POU2F1: variants seen among roughly 807,000 people sequenced by gnomAD.
POU2F1 encodes POU class 2 homeobox 1.
Under a neutral mutation model 84.9 loss-of-function variants are expected in POU2F1, and 16 were observed. That is an observed-to-expected ratio of 0.19 (90% CI 0.13 to 0.29). POU2F1 has a LOEUF of 0.29. POU2F1 is among the 10% of genes least tolerant of loss of function. The pLI, the probability that POU2F1 is intolerant of heterozygous loss-of-function variation, is 1.00. For synonymous variants in POU2F1, 368 were observed against 368.3 expected (o/e 1.00, Z 0.01); for missense variants, 738 against 942.6 (o/e 0.78, Z 2.84).
At chr1:167,393,336 T>C (rs531951476) in intron 9 of POU2F1, among the ~76,000 whole-genome samples, 1 of 152,200 alleles carries the variant, frequency 6.6e-6, no homozygotes, top group Non-Finnish European at 1.5e-5. Flanking sequence ...ATTAAGCAAT[T>C]TAAATGTGAA....
chr1:167,408,323 G>A (rs1021041979), intron 13 of POU2F1, among the ~76,000 whole-genome samples: 10 of 152,150 alleles, frequency 6.6e-5, no homozygotes, highest in African/African-American at 2.2e-4. Flanking sequence ...CATCTTGGCA[G>A]TTCTTTTAAA....
At chr1:167,307,724 T>C (rs889089271) in intron 1 of POU2F1, among the ~76,000 whole-genome samples, 23 of 152,134 alleles carry the variant, frequency 1.5e-4, no homozygotes, top group African/African-American at 5.3e-4. Flanking sequence ...AAAATTAACA[T>C]TGACAGGTTA....
intron 1 of POU2F1, among the ~76,000 whole-genome samples, chr1:167,263,375 C>G (rs1354565944): frequency 6.6e-6 from 1 of 151,988 alleles, no homozygotes; most frequent in African/African-American, 2.4e-5. Context: ...CAAAAATTAG[C>G]CGGGCGTGGT....
At chr1:167,249,142 T>A (rs1650546177) in intron 1 of POU2F1, among the ~76,000 whole-genome samples, 1 of 152,242 alleles carries the variant, frequency 6.6e-6, no homozygotes, top group Non-Finnish European at 1.5e-5. Context: ...ATCCATTTTT[T>A]TCTGCCTCTG....
chr1:167,264,728 TAAG>T (rs1243400632), intron 1 of POU2F1, among the ~76,000 whole-genome samples: 3 of 152,186 alleles, frequency 2.0e-5, no homozygotes, highest in South Asian at 4.1e-4. Context: ...TCTTTTTTCT[TAAG>T]AAATTTTTTT....
rs778686896 is a variant in POU2F1, at chr1:167,370,229, G to C, written c.282+15G>C. 1 of 1,575,212 alleles carries C rather than the reference G, an allele frequency of 6.3e-7. No homozygotes were observed. Among genetic ancestry groups the C allele is most frequent in the Non-Finnish European group, 8.6e-7 (1 of 1,156,366 alleles). ...TAAATGTACAGGTAAGCTGGGACCT[G>C]GGATTATGGGTCAATCTTTTATTTA... is the stretch of plus-strand genomic sequence containing the variant. On this transcript the variant is annotated intron_variant, in intron 4 of 15. Coordinates refer to ENST00000367866, the MANE Select transcript of POU2F1 (RefSeq NM_002697.4).
chr1:167,389,473 A>G, intron 8 of POU2F1, 115 bp from the exon 9 acceptor site: 1 of 1,079,584 alleles, frequency 9.3e-7, no homozygotes, highest in Non-Finnish European at 1.4e-6. Flanking sequence ...CTGTAGTGTT[A>G]CATGGTCTTC....
At chr1:167,302,542 C>T (rs1654781054) in intron 1 of POU2F1, among the ~76,000 whole-genome samples, 1 of 152,134 alleles carries the variant, frequency 6.6e-6, no homozygotes. Flanking sequence ...CAGGCGTGAG[C>T]CACCGCGCCT....
At chr1:167,248,296 T>C (rs1650485557) in intron 1 of POU2F1, among the ~76,000 whole-genome samples, 1 of 152,220 alleles carries the variant, frequency 6.6e-6, no homozygotes, top group Non-Finnish European at 1.5e-5. Context: ...TGTTATACCT[T>C]GCAAGAAAGC....
intron 2 of POU2F1, among the ~76,000 whole-genome samples, chr1:167,349,096 G>T (rs978733677): frequency 7.2e-5 from 11 of 152,052 alleles, no homozygotes; most frequent in Admixed American, 5.2e-4. Context: ...AAAATTCTTA[G>T]ATTTTATTTT....
chr1:167,302,314 G>C (rs1176429399), intron 1 of POU2F1, among the ~76,000 whole-genome samples: 1 of 150,582 alleles, frequency 6.6e-6, no homozygotes, highest in South Asian at 2.1e-4. Flanking sequence ...AGGTTGGAGT[G>C]CAGTGGCGTG....
At chr1:167,308,070 CT>C (rs1231393962) in intron 1 of POU2F1, among the ~76,000 whole-genome samples, 660 of 138,068 alleles carry the variant, frequency 4.8e-3, no homozygotes, top group Admixed American at 6.1e-3. Context: ...TTATTTGTTT[CT>C]TTTTTTTTTT....
intron 1 of POU2F1, among the ~76,000 whole-genome samples, chr1:167,276,394 A>G (rs1652730523): frequency 1.3e-5 from 2 of 152,142 alleles, no homozygotes; most frequent in South Asian, 2.1e-4. Context: ...CTTCTATTTT[A>G]TTATTCTTAT....
In POU2F1 at chr1:167,298,413, A is replaced by G. The variant is rs191938601; in HGVS notation, c.62-34057A>G. 3.3e-3 allele frequency among the ~76,000 whole-genome samples: 499 copies of G among 152,282 alleles called. 6 individuals are homozygous for G. Among genetic ancestry groups the G allele is most frequent in the African/African-American group, 0.011 (466 of 41,558 alleles). On this transcript the variant is annotated intron_variant, in intron 1 of 15. Transcript: ENST00000367866. ...TGATACAAGCATTTTCTAATTTAAG[A>G]TAATAGCAAGCAGAAGAAAACAAGT...
At chr1:167,312,664 A>G (rs1246038195) in intron 1 of POU2F1, among the ~76,000 whole-genome samples, 4 of 152,194 alleles carry the variant, frequency 2.6e-5, no homozygotes, top group Non-Finnish European at 1.5e-5. Flanking sequence ...GGCTTTCTCT[A>G]GTTGACACTA....
At chr1:167,281,152 C>T (rs1653107275) in intron 1 of POU2F1, among the ~76,000 whole-genome samples, 2 of 152,168 alleles carry the variant, frequency 1.3e-5, no homozygotes, top group Non-Finnish European at 2.9e-5. Context: ...ATAGACCGGT[C>T]TTAACTTAAA....
chr1:167,394,840 C>T (rs905014591), intron 9 of POU2F1, among the ~76,000 whole-genome samples: 2 of 152,100 alleles, frequency 1.3e-5, no homozygotes, highest in African/African-American at 4.8e-5. Flanking sequence ...AAATATGTTA[C>T]TTTTTTAACC....
At chr1:167,414,846 C>A in intron 15 of POU2F1, 1 of 645,002 alleles carries the variant, frequency 1.6e-6, no homozygotes. Flanking sequence ...AGAACTAAAG[C>A]CTTTTTGCAA....
At position 167,396,316 on chromosome 1, in the gene POU2F1, T is replaced by C. The variant is rs1449943413; in HGVS notation, c.1018T>C (p.Tyr340His). The C allele has an allele frequency of 1.2e-6, 2 of 1,614,098 alleles. No homozygotes were observed. The highest frequency in any genetic ancestry group is 1.1e-5 in the South Asian group (1 of 91,082). The stretch of plus-strand genomic sequence containing the variant: ...TGTTGGGCTCGCTATGGGGAAACTA[T>C]ATGGAAATGACTTCAGCCAAACTAC... The part of the protein sequence containing the change: ...GDVGLAMGKL[Y>H]GNDFSQTTIS... The change falls in exon 10 of 16, where the codon TAT becomes CAT. Residue 340 changes from tyrosine to histidine, a missense_variant. Coordinates refer to ENST00000367866, the MANE Select transcript of POU2F1 (RefSeq NM_002697.4).
Sources: allele counts gnomAD v4.1 joint callset (sites outside exome capture counted in the v4.1 genomes callset), GRCh38; gene constraint gnomAD v4.1.1; transcripts MANE v1.5; gene names NCBI Gene and HGNC (gene_info 2026-07-23, HGNC 2026-07-21).